PTPRT: variants seen among roughly 807,000 people sequenced by gnomAD.
The protein encoded by PTPRT is protein tyrosine phosphatase receptor type T, also known as receptor-type tyrosine-protein phosphatase T.
In PTPRT, 56 loss-of-function variants were observed where a neutral mutation model predicts 176.8. That is an observed-to-expected ratio of 0.32 (90% CI 0.26 to 0.40). PTPRT has a LOEUF of 0.40. Ranked by LOEUF, PTPRT falls within the 10% of genes least tolerant of loss-of-function variation. The pLI is 1.00. For synonymous variants in PTPRT, 783 were observed against 739.0 expected (o/e 1.06, Z -0.96); for missense variants, 1,540 against 1,908.2 (o/e 0.81, Z 3.60).
intron 5 of PTPRT, among the ~76,000 whole-genome samples, chr20:42,765,692 A>G (rs566933118): frequency 9.2e-5 from 14 of 151,900 alleles, no homozygotes; most frequent in African/African-American, 2.2e-4. Context: ...GTATATACAG[A>G]TTATATATAT....
At chr20:42,533,843 G>A (rs1488503635) in intron 7 of PTPRT, among the ~76,000 whole-genome samples, 1 of 152,216 alleles carries the variant, frequency 6.6e-6, no homozygotes, top group Non-Finnish European at 1.5e-5. Context: ...TGTAAATTGG[G>A]TCAATGGTTG....
chr20:42,276,404 C>G (rs1181079160), intron 13 of PTPRT, among the ~76,000 whole-genome samples: 1 of 146,640 alleles, frequency 6.8e-6, no homozygotes, highest in Admixed American at 6.9e-5. Flanking sequence ...GTGGCTTTTT[C>G]CTTAGAGAAC....
the PTPRT span, among the ~76,000 whole-genome samples, chr20:42,052,633 G>T: frequency 6.6e-6 from 1 of 152,166 alleles, no homozygotes; most frequent in Non-Finnish European, 1.5e-5. Context: ...CTCACCAGGA[G>T]TAGGGTTGAG....
chr20:42,677,422 A>G (rs573277896), intron 7 of PTPRT, among the ~76,000 whole-genome samples: 1 of 152,282 alleles, frequency 6.6e-6, no homozygotes, highest in African/African-American at 2.4e-5. Flanking sequence ...AGGAGCCCTC[A>G]GAGAAACAGA....
intron 1 of PTPRT, among the ~76,000 whole-genome samples, chr20:42,968,070 T>C (rs879368805): frequency 5.9e-5 from 9 of 152,188 alleles, no homozygotes; most frequent in Non-Finnish European, 1.3e-4. Context: ...GCCCCGATTA[T>C]GGAAGGCTGT....
intron 7 of PTPRT, among the ~76,000 whole-genome samples, chr20:42,620,119 G>A (rs1380616771): frequency 3.4e-5 from 5 of 147,318 alleles, no homozygotes; most frequent in East Asian, 2.0e-4. Flanking sequence ...ATGGGTTTTC[G>A]GTGTGGATGT....
chr20:42,592,865 G>A (rs963256649), intron 7 of PTPRT, among the ~76,000 whole-genome samples: 10 of 152,198 alleles, frequency 6.6e-5, no homozygotes, highest in African/African-American at 2.4e-4. Context: ...GCTGACAGGA[G>A]AGGCAGCTTT....
At chr20:43,119,843 A>T (rs2054726712) in intron 1 of PTPRT, among the ~76,000 whole-genome samples, 5 of 152,228 alleles carry the variant, frequency 3.3e-5, no homozygotes. Context: ...AAGTGGCATC[A>T]TATAAATAGC....
chr20:42,755,247 G>C (rs2076814492), intron 6 of PTPRT, among the ~76,000 whole-genome samples: 1 of 152,146 alleles, frequency 6.6e-6, no homozygotes, highest in Non-Finnish European at 1.5e-5. Context: ...GAGAATCCCA[G>C]CCTGCAACCC....
At position 42,075,718 on chromosome 20, in the gene PTPRT, A is replaced by G. The variant is rs1426455806; in HGVS notation, c.*5161T>C. ...GCAGTCTTACTGGACTGATACCTCT[A>G]TGTACTCTAAGGGGTTCCCACCAGC... On this transcript the variant is annotated 3_prime_UTR_variant, in exon 31 of 31. Coordinates refer to ENST00000373187, the MANE Select transcript of PTPRT (RefSeq NM_007050.6). 6 of 207,578 alleles carry G rather than the reference A, an allele frequency of 2.9e-5. No homozygotes were observed. Among genetic ancestry groups the G allele is most frequent in the East Asian group, 7.3e-5 (1 of 13,736 alleles). 12.9% of individuals were successfully genotyped at this position (207,578 alleles called of 1,614,324 possible). A position where few individuals can be genotyped will look rare whatever the true frequency, so the allele number is the denominator to read the frequency against.
At chr20:43,059,134 C>T (rs1429670550) in intron 1 of PTPRT, among the ~76,000 whole-genome samples, 2 of 152,216 alleles carry the variant, frequency 1.3e-5, no homozygotes, top group African/African-American at 4.8e-5. Flanking sequence ...TAGGGTCATT[C>T]TTCCACTGTC....
chr20:42,354,962 G>C (rs2058337837), intron 9 of PTPRT, among the ~76,000 whole-genome samples: 1 of 152,102 alleles, frequency 6.6e-6, no homozygotes, highest in South Asian at 2.1e-4. Context: ...GAGTGTGCAT[G>C]TGCACCATGC....
intron 7 of PTPRT, among the ~76,000 whole-genome samples, chr20:42,632,107 C>T (rs1474159250): frequency 1.3e-5 from 2 of 152,170 alleles, no homozygotes; most frequent in African/African-American, 4.8e-5. Context: ...GAGACCAAAG[C>T]TCAGGTGAGC....
Position 43,086,043 on chromosome 20 carries a change from C to G in PTPRT, c.88+103603G>C, listed in dbSNP as rs1432054084. Among the ~76,000 whole-genome samples the G allele has an allele frequency of 5.3e-5, 8 of 152,010 alleles. No individual in the cohort carries two copies. In the East Asian group the frequency reaches 1.5e-3, roughly 29 times the overall value. ...TATCATTGAACATGGAACCAGAGGT[C>G]CAGGAATTACACGATGGCCCAAGAC... On this transcript the variant is annotated intron_variant, in intron 1 of 30. Transcript: ENST00000373187.
chr20:43,092,267 A>T (rs571763339), intron 1 of PTPRT, among the ~76,000 whole-genome samples: 16 of 152,332 alleles, frequency 1.1e-4, no homozygotes, highest in African/African-American at 3.8e-4. Flanking sequence ...TGGGAGAAGG[A>T]AGATGAGAAT....
intron 6 of PTPRT, among the ~76,000 whole-genome samples, chr20:42,693,840 C>G (rs1024461298): frequency 6.6e-6 from 1 of 152,060 alleles, no homozygotes; most frequent in Non-Finnish European, 1.5e-5. Context: ...GGGTTTCTCA[C>G]GCTACTCCTT....
intron 9 of PTPRT, among the ~76,000 whole-genome samples, chr20:42,407,546 T>G (rs766155503): frequency 6.6e-6 from 1 of 152,180 alleles, no homozygotes; most frequent in Admixed American, 6.6e-5. Context: ...TGAAAAAAAC[T>G]TCAGTGAACC....
intron 1 of PTPRT, among the ~76,000 whole-genome samples, chr20:43,087,754 C>T (rs966830510): frequency 6.6e-6 from 1 of 151,978 alleles, no homozygotes. Context: ...AAAGGGAGGG[C>T]GATGGTTTTA....
intron 9 of PTPRT, among the ~76,000 whole-genome samples, chr20:42,408,222 C>T (rs1029680188): frequency 1.3e-5 from 2 of 151,964 alleles, no homozygotes; most frequent in African/African-American, 2.4e-5. Flanking sequence ...GGAGGAACCA[C>T]GATGTTTCTT....
Sources: allele counts gnomAD v4.1 joint callset (sites outside exome capture counted in the v4.1 genomes callset), GRCh38; gene constraint gnomAD v4.1.1; transcripts MANE v1.5; gene names NCBI Gene and HGNC (gene_info 2026-07-23, HGNC 2026-07-21).